The following WWTR1 variants were observed in gnomAD, a reference collection of about 807,000 sequenced individuals.
WWTR1 encodes the protein WW domain-containing transcription regulator protein 1.
Under a neutral mutation model 40.1 loss-of-function variants are expected in WWTR1, and 13 were observed. That is an observed-to-expected ratio of 0.32 (90% CI 0.21 to 0.52). The LOEUF (loss-of-function observed/expected upper bound fraction) is 0.52. WWTR1 is among the 20% of genes least tolerant of loss of function. The pLI is 0.97. For synonymous variants in WWTR1, 230 were observed against 210.1 expected, an observed-to-expected ratio of 1.09 and a Z score of -0.82; for missense variants, 436 against 523.1, an observed-to-expected ratio of 0.83 and a Z score of 1.63.
chr3:149,632,986 T>C (rs1255019019), intron 2 of WWTR1, among the ~76,000 whole-genome samples: 1 of 152,242 alleles, frequency 6.6e-6, no homozygotes, highest in Non-Finnish European at 1.5e-5. Flanking sequence ...GTTCTAAACC[T>C]GACTGTGATG....
chr3:149,537,691 T>A (rs4681183), intron 4 of WWTR1, among the ~76,000 whole-genome samples: 93,579 of 151,966 alleles, frequency 0.62, 30,372 homozygotes, highest in South Asian at 0.75. Context: ...CACGGAACTG[T>A]GCCATCTGCC....
At position 149,585,557 on chromosome 3, in the gene WWTR1, A is replaced by AT. The variant is rs11309780; in HGVS notation, c.432-12558dup. Among the ~76,000 whole-genome samples, 1,481 of 148,504 alleles carry AT rather than the reference A, an allele frequency of 1.0e-2. 16 individuals are homozygous for AT. Among genetic ancestry groups the AT allele is most frequent in the Middle Eastern group, 0.024 (7 of 286 alleles). On this transcript the variant is annotated intron_variant, in intron 2 of 6. Coordinates refer to ENST00000360632, the MANE Select transcript of WWTR1 (RefSeq NM_015472.6). ...ATAGTTCCCCCACCAGCACCCCACA[A>AT]TTTTTTTTTTTTTGCATTCTAATAA... is the stretch of plus-strand genomic sequence containing the variant.
At chr3:149,629,312 A>G (rs960065957) in intron 2 of WWTR1, among the ~76,000 whole-genome samples, 4 of 111,512 alleles carry the variant, frequency 3.6e-5, no homozygotes, top group African/African-American at 1.3e-4. Context: ...TCAGGCTCAC[A>G]AAAGTACTTA....
intron 2 of WWTR1, among the ~76,000 whole-genome samples, chr3:149,641,596 T>C (rs1474481377): frequency 6.6e-6 from 1 of 152,212 alleles, no homozygotes; most frequent in East Asian, 1.9e-4. Context: ...CGGCTAATAA[T>C]TACAAAAGGT....
intron 1 of WWTR1, among the ~76,000 whole-genome samples, chr3:149,684,234 G>T (rs1339368313): frequency 6.6e-6 from 1 of 151,910 alleles, no homozygotes; most frequent in African/African-American, 2.4e-5. Context: ...GTTGCCCAGG[G>T]TGGTCTTGAG....
chr3:149,614,348 C>T (rs1739870146), intron 2 of WWTR1, among the ~76,000 whole-genome samples: 1 of 152,164 alleles, frequency 6.6e-6, no homozygotes, highest in Non-Finnish European at 1.5e-5. Context: ...TACCACTGTA[C>T]CATTGAATAC....
chr3:149,713,869 C>T (rs1166333529), intron 5 of WWTR1, among the ~76,000 whole-genome samples: 1 of 152,154 alleles, frequency 6.6e-6, no homozygotes, highest in African/African-American at 2.4e-5. Flanking sequence ...GCCCAACCCT[C>T]GTGCAGTTGG....
rs149176114 is a variant in WWTR1, at chr3:149,721,956, T to C, written n.459+2124A>G. 4.6e-3 allele frequency among the ~76,000 whole-genome samples: 702 copies of C among 152,358 alleles called. 2 individuals carry two copies. The highest frequency in any genetic ancestry group is 0.016 in the African/African-American group (661 of 41,594). On this transcript the variant is annotated intron_variant and non_coding_transcript_variant, in intron 4 of 6. Transcript: ENST00000474080. The stretch of plus-strand genomic sequence containing the variant: ...TTTATTCAGATTTTCTATTTCTTTG[T>C]GGCTTAGTCTTGATAGGTTGTGTGT...
intron 2 of WWTR1, among the ~76,000 whole-genome samples, chr3:149,641,689 T>C (rs1229535071): frequency 2.0e-5 from 3 of 152,266 alleles, no homozygotes; most frequent in Admixed American, 6.5e-5. Flanking sequence ...TTTAAAATCA[T>C]TTCTTTAATG....
chr3:149,596,337 T>C (rs1252675565), intron 2 of WWTR1, among the ~76,000 whole-genome samples: 3 of 152,192 alleles, frequency 2.0e-5, no homozygotes, highest in African/African-American at 7.2e-5. Flanking sequence ...AGGAATTCAT[T>C]TTTCTTCTGA....
In WWTR1 at chr3:149,517,918, T is replaced by C. The variant is rs1734862112; in HGVS notation, c.*2887A>G. ...AAATTTTGGGGTGAAATGATGATGTTTACTGATTGATTTAGTACTAAAAAG... is the reference window on the plus strand; with the variant it reads ...AAATTTTGGGGTGAAATGATGATGTCTACTGATTGATTTAGTACTAAAAAG... On this transcript the variant is annotated 3_prime_UTR_variant, in exon 7 of 7. Coordinates refer to ENST00000360632, the MANE Select transcript of WWTR1 (RefSeq NM_015472.6). The C allele has an allele frequency of 6.6e-6, 1 of 152,150 alleles. No individual in the cohort carries two copies. Among genetic ancestry groups the C allele is most frequent in the Non-Finnish European group, 1.5e-5 (1 of 68,018 alleles). The allele number at this position is 152,150 out of a possible 1,614,324, so 9.4% of individuals were successfully genotyped here. A position where few individuals can be genotyped will look rare whatever the true frequency, so the allele number is the denominator to read the frequency against.
chr3:149,694,218 C>G (rs1205666298), intron 1 of WWTR1, among the ~76,000 whole-genome samples: 1 of 152,092 alleles, frequency 6.6e-6, no homozygotes, highest in Non-Finnish European at 1.5e-5. Flanking sequence ...ATGGGGAAAC[C>G]CCGTCTCTAC....
upstream of WWTR1, chr3:149,659,606 A>T (rs1377435205): frequency 2.6e-5 from 4 of 152,124 alleles, no homozygotes; most frequent in Non-Finnish European, 4.4e-5. Flanking sequence ...AAGTGCTGGG[A>T]TTACAGGCAT....
At chr3:149,668,877 A>G (rs774824708) in intron 2 of WWTR1, among the ~76,000 whole-genome samples, 14 of 152,190 alleles carry the variant, frequency 9.2e-5, no homozygotes, top group Non-Finnish European at 1.9e-4. Context: ...AAAGACTGCC[A>G]TGAAGTCTCA....
chr3:149,627,588 C>T (rs1244410669), intron 2 of WWTR1, among the ~76,000 whole-genome samples: 2 of 152,062 alleles, frequency 1.3e-5, no homozygotes, highest in African/African-American at 2.4e-5. Context: ...TACAGGAGGC[C>T]CCCAAATCAA....
At chr3:149,594,950 C>CTT (rs563658190) in intron 2 of WWTR1, among the ~76,000 whole-genome samples, 1,268 of 61,726 alleles carry the variant, frequency 0.021, 282 homozygotes, top group African/African-American at 0.025. Context: ...CTCTTTTTTA[C>CTT]TTTTTTTTTT....
intron 4 of WWTR1, chr3:149,541,194 C>T: frequency 2.7e-6 from 1 of 364,810 alleles, no homozygotes; most frequent in South Asian, 2.2e-5. Flanking sequence ...AAAAATGTAG[C>T]CAGAAAAAAA....
At chr3:149,572,829 T>A (rs1576570538) in intron 3 of WWTR1, 35 bp downstream of exon 3, 2 of 1,605,652 alleles carry the variant, frequency 1.2e-6, no homozygotes, top group African/African-American at 2.7e-5. Context: ...AAAAAAAAAA[T>A]ATCTTTTTTA....
At chr3:149,541,131 G>T (rs1461483047) in intron 4 of WWTR1, 1 of 429,848 alleles carries the variant, frequency 2.3e-6, no homozygotes, top group Non-Finnish European at 4.7e-6. Flanking sequence ...CTTCATGTGA[G>T]TCACAAAACA....
Sources: allele counts gnomAD v4.1 joint callset (sites outside exome capture counted in the v4.1 genomes callset), GRCh38; gene constraint gnomAD v4.1.1; transcripts MANE v1.5; gene names NCBI Gene and HGNC (gene_info 2026-07-23, HGNC 2026-07-21).